The following ICE1 variants were observed in gnomAD, a reference collection of about 807,000 sequenced individuals.
ICE1 encodes little elongation complex subunit 1.
ICE1 carries 64 observed loss-of-function variants against 192.7 expected under a neutral mutation model. That is an observed-to-expected ratio of 0.33 (90% confidence interval 0.27 to 0.41). ICE1 has a LOEUF of 0.41. Among genes scored for constraint, ICE1 ranks in the 10% least tolerant of loss-of-function variants. ICE1 has a pLI of 1.00. For missense variants in ICE1, 2,708 were observed against 2,696.0 expected (o/e 1.00, Z -0.10); for synonymous variants, 1,010 against 984.5 (o/e 1.03, Z -0.49).
chr5:5,480,306 G>A (rs1463881862), intron 17 of ICE1, among the ~76,000 whole-genome samples: 1 of 143,128 alleles, frequency 7.0e-6, no homozygotes, highest in Non-Finnish European at 1.5e-5. Context: ...CTGGAGTGCA[G>A]TGGCACCATC....
At position 5,473,618 on chromosome 5, in the gene ICE1, C is replaced by T. The variant is rs758712768; in HGVS notation, c.6283C>T (p.Pro2095Ser). The T allele has an allele frequency of 8.7e-6, 14 of 1,613,366 alleles. No homozygotes were observed. Among genetic ancestry groups the T allele is most frequent in the Non-Finnish European group, 1.2e-5 (14 of 1,179,752 alleles). ...GCTGCTTTTGACCATACAGTTATGT[C>T]CAAAAACAGAATTTCAACCTAGTGA... ...SKLLLTIQLC[P>S]KTEFQPSEKF... Residue 2095 changes from proline to serine, a missense_variant, in exon 16 of 19, where the codon CCA becomes TCA. Transcript: ENST00000296564.
At chr5:5,476,687 C>G (rs1579577616) in intron 17 of ICE1, among the ~76,000 whole-genome samples, 1 of 152,174 alleles carries the variant, frequency 6.6e-6, no homozygotes, top group African/African-American at 2.4e-5. Flanking sequence ...AGAGCAAGAG[C>G]TTGCTCACCA....
At position 5,477,620 on chromosome 5, in the gene ICE1, C is replaced by G. The variant is rs145975960; in HGVS notation, c.6520+1541C>G. ...CCAAACAGTAGAAAAAGAAGGAATC[C>G]TCCCTAACTCATTTTATGAGGCCAG... On this transcript the variant is annotated intron_variant, in intron 17 of 18. Transcript: ENST00000296564. Among the ~76,000 whole-genome samples, 713 of 152,266 alleles carry G rather than the reference C, an allele frequency of 4.7e-3. 6 individuals are homozygous for G. The highest frequency in any genetic ancestry group is 0.016 in the African/African-American group (676 of 41,560).
In ICE1 at chr5:5,483,697, C is replaced by CGTA. The variant is rs539604800; in HGVS notation, c.6521-3024_6521-3023insGTA. Reference sequence around the variant, plus strand: ...AGTGGAGTGTAAATCTGTAGAATACCACCTTTCTGCCCCAAAGAGCTTATA... The same window carrying CGTA: ...AGTGGAGTGTAAATCTGTAGAATACCGTAACCTTTCTGCCCCAAAGAGCTTATA... On this transcript the variant is annotated intron_variant, in intron 17 of 18. Transcript: ENST00000296564. 1.2e-4 allele frequency among the ~76,000 whole-genome samples: 18 copies of CGTA among 152,230 alleles called. No homozygotes were observed. The South Asian group carries it at 3.7e-3, about 32-fold the overall frequency.
rs1429300026 is a variant in ICE1, at chr5:5,422,976, C to A, written c.61C>A (p.Gln21Lys). 7 of 1,451,968 alleles carry A rather than the reference C, an allele frequency of 4.8e-6. No individual in the cohort carries two copies. The highest frequency in any genetic ancestry group is 6.3e-6 in the Non-Finnish European group (7 of 1,104,170). 89.9% of individuals were successfully genotyped at this position (1,451,968 alleles called of 1,614,324 possible). The change falls in exon 1 of 19, where the codon CAG becomes AAG. Residue 21 changes from glutamine (Q) to lysine (K), a missense_variant. Coordinates refer to ENST00000296564, the MANE Select transcript of ICE1 (RefSeq NM_015325.3). ...GACGGCGGCGGACCTGTCGCGATGT[C>A]AGGGCTGCGCCTCTCTGCAGCAGGT... is the stretch of plus-strand genomic sequence containing the variant. Reference protein sequence around the residue: ...PGTAADLSRCQGCASLQQNLN... With the variant: ...PGTAADLSRCKGCASLQQNLN...
At chr5:5,452,605 A>G (rs1258724111) in intron 10 of ICE1, among the ~76,000 whole-genome samples, 1 of 152,116 alleles carries the variant, frequency 6.6e-6, no homozygotes, top group Non-Finnish European at 1.5e-5. Flanking sequence ...TGTATTTATA[A>G]ATATACAGAA....
At chr5:5,423,064 G>A (rs949754273) in intron 1 of ICE1, 65 bp downstream of exon 1, 2 of 1,153,614 alleles carry the variant, frequency 1.7e-6, no homozygotes, top group African/African-American at 3.2e-5. Context: ...GGAGCGCAGG[G>A]ATGTGGGGTC....
At chr5:5,429,828 A>G (rs1031673758) in intron 1 of ICE1, among the ~76,000 whole-genome samples, 3 of 152,158 alleles carry the variant, frequency 2.0e-5, no homozygotes, top group African/African-American at 7.2e-5. Context: ...TCAGGAGGGT[A>G]TTGTATGGAT....
chr5:5,450,597 T>G (rs1161007268), intron 10 of ICE1, among the ~76,000 whole-genome samples: 2 of 152,190 alleles, frequency 1.3e-5, no homozygotes, highest in Non-Finnish European at 2.9e-5. Context: ...AGCGTGATTT[T>G]TGTGTACAGT....
chr5:5,443,125 G>C (rs2111350190), intron 5 of ICE1, 43 bp from the exon 6 acceptor site: 1 of 1,137,308 alleles, frequency 8.8e-7, no homozygotes. Context: ...AATGGTCAGT[G>C]ACTTTCATTT....
chr5:5,436,547 T>G (rs1376165371), intron 2 of ICE1, 71 bp downstream of exon 2: 1 of 858,764 alleles, frequency 1.2e-6, no homozygotes, highest in East Asian at 3.1e-5. Flanking sequence ...GGCGGTGCTT[T>G]TAGGCCCCCA....
chr5:5,460,588 A>G lies in ICE1; in HGVS notation c.1254A>G (p.Glu418=), dbSNP rs778300524. 1 of 1,613,366 alleles carries G rather than the reference A, an allele frequency of 6.2e-7. No individual in the cohort carries two copies. Among genetic ancestry groups the G allele is most frequent in the Non-Finnish European group, 8.5e-7 (1 of 1,179,584 alleles). The change falls in exon 13 of 19, where the codon GAA becomes GAG. Residue 418 remains glutamate (E), a synonymous_variant. Transcript: ENST00000296564. ...ATAAAGGAAGTGGCACATGGGAGGA[A>G]AAGCCCAAATCACATGAAGCTATCC... ...RKNKGSGTWE[E]KPKSHEAIQA...
At chr5:5,465,255 T>A in intron 13 of ICE1, 29 bp downstream of exon 13, 1 of 1,444,374 alleles carries the variant, frequency 6.9e-7, no homozygotes, top group Non-Finnish European at 9.4e-7. Flanking sequence ...CTAAGTGCAT[T>A]AGGGATTACA....
At chr5:5,455,110 G>A (rs868774988) in intron 11 of ICE1, among the ~76,000 whole-genome samples, 23 of 152,184 alleles carry the variant, frequency 1.5e-4, no homozygotes, top group African/African-American at 5.5e-4. Context: ...TAGCTGTCTT[G>A]TATAAGATTA....
At chr5:5,474,436 G>C (rs1418836903) in intron 16 of ICE1, among the ~76,000 whole-genome samples, 3 of 152,090 alleles carry the variant, frequency 2.0e-5, no homozygotes, top group Non-Finnish European at 4.4e-5. Flanking sequence ...AATGTATGTT[G>C]AATGAAATTA....
At chr5:5,431,983 CT>C (rs201465478) in intron 1 of ICE1, among the ~76,000 whole-genome samples, 11 of 150,068 alleles carry the variant, frequency 7.3e-5, no homozygotes, top group African/African-American at 1.7e-4. Flanking sequence ...TTTCTGCATC[CT>C]TTTTTTTTAA....
intron 17 of ICE1, among the ~76,000 whole-genome samples, chr5:5,482,298 A>G (rs940597583): frequency 3.3e-5 from 5 of 152,220 alleles, no homozygotes; most frequent in African/African-American, 1.2e-4. Context: ...TACAATTAAG[A>G]CTGATATACA....
rs144884681 is a variant in ICE1, at chr5:5,431,105, C to A, written c.85-5313C>A. 4.4e-3 allele frequency among the ~76,000 whole-genome samples: 667 copies of A among 152,204 alleles called. 4 individuals are homozygous for A. Among genetic ancestry groups the A allele is most frequent in the African/African-American group, 0.013 (546 of 41,524 alleles). On this transcript the variant is annotated intron_variant, in intron 1 of 18. Coordinates refer to ENST00000296564, the MANE Select transcript of ICE1 (RefSeq NM_015325.3). ...GTGGGGGTGGAATAGGAATGTGAAT[C>A]TGACTCTGTGACTCTGGAGCCTGAG...
At chr5:5,443,542 G>T (rs149769204) in intron 6 of ICE1, among the ~76,000 whole-genome samples, 55 of 152,286 alleles carry the variant, frequency 3.6e-4, no homozygotes, top group African/African-American at 1.2e-3. Flanking sequence ...GCATGCACAT[G>T]TGTCTGTGTG....
Sources: gnomAD v4.1 joint callset for allele counts (sites outside exome capture counted in the v4.1 genomes callset) on GRCh38, gnomAD v4.1.1 for gene constraint, MANE v1.5 for transcripts, NCBI Gene and HGNC (gene_info 2026-07-23, HGNC 2026-07-21) for gene names.